The following IFNLR1 variants were observed in gnomAD, a reference collection of about 807,000 sequenced individuals.
IFNLR1 encodes the protein interferon lambda receptor 1.
A neutral mutation model predicts 52.5 loss-of-function variants in IFNLR1; 28 were observed. That is an observed-to-expected ratio of 0.53 (90% CI 0.40 to 0.73). The LOEUF is 0.73. Among genes scored for constraint, IFNLR1 ranks in the 30% least tolerant of loss-of-function variants. IFNLR1 has a pLI of 0.00. For synonymous variants in IFNLR1, 276 were observed against 274.9 expected (o/e 1.00, Z -0.04); for missense variants, 623 against 659.1 (o/e 0.95, Z 0.60).
rs1006559853 is a variant in IFNLR1 at position 24,157,401 on chromosome 1, G to A, written c.1292C>T (p.Ser431Phe). 2 of 1,614,066 alleles carry A rather than the reference G, an allele frequency of 1.2e-6. No individual in the cohort carries two copies. The highest frequency in any genetic ancestry group is 1.7e-5 in the Admixed American group (1 of 60,010). Residue 431 changes from serine (S) to phenylalanine (F), a missense_variant, in exon 7 of 7, where the codon TCC becomes TTC. Ser to Phe is a radical substitution (Grantham distance 155, BLOSUM62 -2). Transcript: ENST00000327535. This position sits in a 1 kb window ranked among gnomAD's most constrained non-coding sequence, Gnocchi z 5.1. ...CTCTTCCAGGAAACCCGAGTCCTTGGAGAATTCAGGTGGTGGGAGAGATTC... is the reference window on the plus strand; with the variant it reads ...CTCTTCCAGGAAACCCGAGTCCTTGAAGAATTCAGGTGGTGGGAGAGATTC... ...HQESLPPPEFSKDSGFLEELP... is the reference protein window; with the variant it reads ...HQESLPPPEFFKDSGFLEELP...
At chr1:24,170,840 A>T (rs1395174007) in intron 2 of IFNLR1, among the ~76,000 whole-genome samples, 1 of 152,252 alleles carries the variant, frequency 6.6e-6, no homozygotes, top group Non-Finnish European at 1.5e-5. Context: ...AGGAGAATCA[A>T]GGATTGCTCC....
rs911251911 is a variant in IFNLR1 at position 24,157,115 on chromosome 1, A to C, written c.*15T>G. 3.1e-6 allele frequency: 5 copies of C among 1,590,014 alleles called. No homozygotes were observed. The highest frequency in any genetic ancestry group is 4.4e-4 in the Middle Eastern group (2 of 4,552). ...CAGCAGCAGCATCAGATTCGGTGGG[A>C]TGTCGGGGGACAGCTCACCTGGCCA... On this transcript the variant is annotated 3_prime_UTR_variant, in exon 7 of 7. Transcript: ENST00000327535. The surrounding 1 kb of genome is among the most constrained non-coding windows in gnomAD (Gnocchi z 5.1).
intron 2 of IFNLR1, among the ~76,000 whole-genome samples, chr1:24,177,210 C>T (rs191254119): frequency 1.6e-3 from 246 of 152,130 alleles, no homozygotes; most frequent in African/African-American, 5.3e-3. Context: ...ATAGGTTATA[C>T]GTATATATGA....
chr1:24,167,164 C>T (rs965353821), intron 3 of IFNLR1, among the ~76,000 whole-genome samples: 6 of 152,150 alleles, frequency 3.9e-5, no homozygotes, highest in Admixed American at 6.5e-5. Flanking sequence ...TCCTGTTCTC[C>T]GGCATTTGGA....
chr1:24,175,949 AAG>A (rs542671647), intron 2 of IFNLR1, among the ~76,000 whole-genome samples: 7,431 of 150,848 alleles, frequency 0.049, 225 homozygotes, highest in Non-Finnish European at 0.075. Context: ...AAAAAAAAAA[AAG>A]AGAGTTTTGG....
Position 24,169,437 on chromosome 1 carries a change from T to C in IFNLR1, c.347A>G (p.Tyr116Cys), listed in dbSNP as rs1345989566. The C allele has an allele frequency of 6.2e-7, 1 of 1,614,066 alleles. No homozygotes were observed. The highest frequency in any genetic ancestry group is 1.3e-5 in the African/African-American group (1 of 75,034). The change falls in exon 3 of 7, where the codon TAC becomes TGC. Residue 116 changes from tyrosine to cysteine, a missense_variant. Tyr to Cys is a radical substitution (Grantham distance 194). Transcript: ENST00000327535. ...CCTACCTTCAAAAAGGTAATCCAGG[T>C]ATTCGGACTCCACCCAGGGGGACTT... ...SSKSPWVESE[Y>C]LDYLFEVEPA... is the part of the protein sequence containing the mutation.
At chr1:24,162,756 C>CTT (rs1557643816) in intron 3 of IFNLR1, among the ~76,000 whole-genome samples, 12 of 36,796 alleles carry the variant, frequency 3.3e-4, no homozygotes, top group Admixed American at 9.1e-4. Context: ...TTCTTTCTTT[C>CTT]TTTCTTTCTT....
Position 24,180,664 on chromosome 1 carries a change from G to A in IFNLR1, c.182+67C>T, listed in dbSNP as rs1644680188. 6.3e-6 allele frequency: 9 copies of A among 1,420,508 alleles called. No individual in the cohort carries two copies. In the South Asian group the frequency reaches 1.1e-4, roughly 18 times the overall value. 88.0% of individuals were successfully genotyped at this position (1,420,508 alleles called of 1,614,324 possible). On this transcript the variant is annotated intron_variant, in intron 2 of 6. Coordinates refer to ENST00000327535, the MANE Select transcript of IFNLR1 (RefSeq NM_170743.4). Reference sequence around the variant, plus strand: ...CCACACTGGGTGCAGCTGTCCCAGAGAAGCCCCTCCAGCCCCCACCCACCC... The same window carrying A: ...CCACACTGGGTGCAGCTGTCCCAGAAAAGCCCCTCCAGCCCCCACCCACCC...
rs762984010 is a variant in IFNLR1, at chr1:24,169,487, G to A, written c.297C>T (p.Arg99=). Residue 99 remains arginine, a synonymous_variant, in exon 3 of 7, where the codon CGC becomes CGT. Coordinates refer to ENST00000327535, the MANE Select transcript of IFNLR1 (RefSeq NM_170743.4). ...TGGAGCTGGGAGAAACCGTCCGCAC[G>A]CGTCCCTTGAACTTGTTGTACAGGT... ...KQDLYNKFKG[R]VRTVSPSSKS... is the part of the protein sequence containing the mutation. 27 of 1,614,060 alleles carry A rather than the reference G, an allele frequency of 1.7e-5. No homozygotes were observed. Among genetic ancestry groups the A allele is most frequent in the Middle Eastern group, 1.6e-4 (1 of 6,084 alleles).
rs1211104491 is a variant in IFNLR1 at position 24,162,770 on chromosome 1, TTC to T, written c.368-1088_368-1087del. Among the ~76,000 whole-genome samples, 369 of 41,834 alleles carry T rather than the reference TTC, an allele frequency of 8.8e-3. 31 individuals carry two copies. The highest frequency in any genetic ancestry group is 0.023 in the East Asian group (34 of 1,450). 27.4% of individuals were successfully genotyped at this position (41,834 alleles called of 152,430 possible). On this transcript the variant is annotated intron_variant, in intron 3 of 6. Transcript: ENST00000327535. The stretch of plus-strand genomic sequence containing the variant: ...TTTCTTTCTTTCTTTCTTTCTTTCT[TTC>T]TTTCTTTTTCTTTCTTTTTCTTTCT...
At chr1:24,170,950 T>C (rs1173914812) in intron 2 of IFNLR1, among the ~76,000 whole-genome samples, 3 of 152,228 alleles carry the variant, frequency 2.0e-5, no homozygotes, top group African/African-American at 4.8e-5. Context: ...GTTTTGTTTC[T>C]TCATGGAAAA....
chr1:24,180,627 A>G (rs1569696938), intron 2 of IFNLR1, 104 bp downstream of exon 2: 1 of 1,151,792 alleles, frequency 8.7e-7, no homozygotes, highest in South Asian at 1.4e-5. Flanking sequence ...CCAGAGAGCT[A>G]GCCAGTGCTG....
intron 3 of IFNLR1, among the ~76,000 whole-genome samples, chr1:24,162,234 C>T (rs147445393): frequency 1.3e-3 from 203 of 152,284 alleles, no homozygotes; most frequent in African/African-American, 4.6e-3. Flanking sequence ...GGGCTGTGGT[C>T]CCTGTTTCCT....
At chr1:24,158,167 G>T (rs1644402981) in intron 6 of IFNLR1, among the ~76,000 whole-genome samples, 1 of 152,208 alleles carries the variant, frequency 6.6e-6, no homozygotes, top group African/African-American at 2.4e-5. Flanking sequence ...CCCAGGAGGG[G>T]GACGCTCCTG....
In IFNLR1 at chr1:24,161,607, G is replaced by A. The variant is rs930378443; in HGVS notation, c.445C>T (p.Pro149Ser). Reference protein sequence around the residue: ...LSANATYQLPPCMPPLDLKYE... With the variant: ...LSANATYQLPSCMPPLDLKYE... ...TTCAGATCCAGTGGGGGCATGCAGG[G>A]GGGCAGCTGGTACGTGGCATTGGCA... The change falls in exon 4 of 7, where the codon CCC becomes TCC. Residue 149 changes from proline (P) to serine (S), a missense_variant. Coordinates refer to ENST00000327535, the MANE Select transcript of IFNLR1 (RefSeq NM_170743.4). The A allele has an allele frequency of 1.7e-5, 27 of 1,553,984 alleles. No homozygotes were observed. The highest frequency in any genetic ancestry group is 4.1e-5 in the African/African-American group (3 of 73,532).
rs575592471 is a variant in IFNLR1 at position 24,157,778 on chromosome 1, C to G, written c.915G>C (p.Thr305=). ...QKELTRGVRP[T]PRVRAPATQQ... is the part of the protein sequence containing the mutation. ...GGGTGGCTGGGGCCCTGACTCGAGG[C>G]GTCGGCCTGACCCCTCTGGTCAGTT... is the stretch of plus-strand genomic sequence containing the variant. The change falls in exon 7 of 7, where the codon ACG becomes ACC. Residue 305 remains threonine (T), a synonymous_variant. Coordinates refer to ENST00000327535, the MANE Select transcript of IFNLR1 (RefSeq NM_170743.4). This position sits in a 1 kb window ranked among gnomAD's most constrained non-coding sequence, Gnocchi z 5.1. 2 of 1,614,178 alleles carry G rather than the reference C, an allele frequency of 1.2e-6. No individual in the cohort carries two copies. The highest frequency in any genetic ancestry group is 1.7e-6 in the Non-Finnish European group (2 of 1,180,022).
At position 24,162,776 on chromosome 1, in the gene IFNLR1, C is replaced by T. The variant is rs868136908; in HGVS notation, c.368-1092G>A. On this transcript the variant is annotated intron_variant, in intron 3 of 6. Transcript: ENST00000327535. ...TCTTTCTTTCTTTCTTTCTTTCTTT[C>T]TTTTTCTTTCTTTTTCTTTCTTTCT... Among the ~76,000 whole-genome samples, 247 of 42,636 alleles carry T rather than the reference C, an allele frequency of 5.8e-3. 11 individuals are homozygous for T. The highest frequency in any genetic ancestry group is 0.012 in the East Asian group (17 of 1,474). The allele number at this position is 42,636 out of a possible 152,430, so 28.0% of individuals were successfully genotyped here. A position where few individuals can be genotyped will look rare whatever the true frequency, so the allele number is the denominator to read the frequency against.
intron 4 of IFNLR1, among the ~76,000 whole-genome samples, chr1:24,159,945 T>A (rs1284914354): frequency 6.6e-6 from 1 of 152,120 alleles, no homozygotes; most frequent in Non-Finnish European, 1.5e-5. Context: ...AGGCAAGGTC[T>A]TGCTGTTGCC....
At chr1:24,179,299 C>G (rs147340993) in intron 2 of IFNLR1, among the ~76,000 whole-genome samples, 46 of 152,282 alleles carry the variant, frequency 3.0e-4, no homozygotes, top group African/African-American at 1.1e-3. Context: ...TCCAGCCATA[C>G]TACGCCCAGC....
Sources: allele counts gnomAD v4.1 joint callset (sites outside exome capture counted in the v4.1 genomes callset), GRCh38; gene constraint gnomAD v4.1.1; non-coding constraint Gnocchi (gnomAD v3.1); transcripts MANE v1.5; gene names NCBI Gene and HGNC (gene_info 2026-07-23, HGNC 2026-07-21).